The following PAX9 variants were observed in gnomAD, a reference collection of about 807,000 sequenced individuals.
The protein encoded by PAX9 is paired box protein Pax-9.
A neutral mutation model predicts 29.1 loss-of-function variants in PAX9; 6 were observed. The observed-to-expected ratio is 0.21, with a 90% confidence interval of 0.11 to 0.41. PAX9 has a LOEUF of 0.41. PAX9 is among the 10% of genes least tolerant of loss of function. The probability of loss-of-function intolerance (pLI) is 1.00; values close to 1 mark genes in which losing one functional copy is unlikely to be tolerated. For missense variants in PAX9, 443 were observed against 479.1 expected (o/e 0.92, Z 0.70); for synonymous variants, 217 against 211.7 (o/e 1.03, Z -0.22).
chr14:36,676,541 C>A lies in PAX9; in HGVS notation c.*89C>A. ...TCCCAGGTCTCACATCCCACCCCTCCTGCCCTCCAACCCTTCTGCCTTGAA... is the reference window on the plus strand; with the variant it reads ...TCCCAGGTCTCACATCCCACCCCTCATGCCCTCCAACCCTTCTGCCTTGAA... On this transcript the variant is annotated 3_prime_UTR_variant, in exon 4 of 4. Transcript: ENST00000361487. The A allele has an allele frequency of 1.4e-6, 2 of 1,468,374 alleles. No individual in the cohort carries two copies. The highest frequency in any genetic ancestry group is 1.9e-6 in the Non-Finnish European group (2 of 1,072,342). 91.0% of individuals were successfully genotyped at this position (1,468,374 alleles called of 1,614,324 possible).
chr14:36,668,446 T>C (rs983620553), intron 3 of PAX9, among the ~76,000 whole-genome samples: 2 of 152,224 alleles, frequency 1.3e-5, no homozygotes, highest in Admixed American at 1.3e-4. Flanking sequence ...TGGAGTGCAG[T>C]GGCGCGATCT....
upstream of PAX9, among the ~76,000 whole-genome samples, chr14:36,659,221 G>A (rs1881161892): frequency 6.6e-6 from 1 of 152,206 alleles, no homozygotes; most frequent in Non-Finnish European, 1.5e-5. Flanking sequence ...GTAACCAGGC[G>A]GCAGACTCCA....
chr14:36,664,338 G>A (rs560027519), intron 2 of PAX9, among the ~76,000 whole-genome samples: 5 of 151,502 alleles, frequency 3.3e-5, no homozygotes, highest in African/African-American at 9.7e-5. Flanking sequence ...TTTTCCCTGA[G>A]CCTGCCACTT....
upstream of PAX9, among the ~76,000 whole-genome samples, chr14:36,659,491 C>A (rs73258664): frequency 2.1e-3 from 327 of 152,296 alleles, 1 homozygote; most frequent in African/African-American, 7.2e-3. Flanking sequence ...AGAGCGGGGT[C>A]TTCGGCTTGC....
intron 3 of PAX9, among the ~76,000 whole-genome samples, chr14:36,672,832 TTTTCTTTCTTTC>T (rs1167746492): frequency 6.8e-6 from 1 of 146,268 alleles, no homozygotes; most frequent in Non-Finnish European, 1.5e-5. Context: ...CCTTTTTCTT[TTTTCTTTCTTTC>T]TTTCTTCCTT....
Position 36,678,366 on chromosome 14 carries a change from G to C in PAX9, c.*1914G>C, listed in dbSNP as rs1010632867. ...ATTTCTAAAGCAACCGAAATTCAGT[G>C]CTACAAATAGAGGATTATAACTTCA... is the stretch of plus-strand genomic sequence containing the variant. On this transcript the variant is annotated 3_prime_UTR_variant, in exon 4 of 4. Transcript: ENST00000361487. The C allele has an allele frequency of 2.2e-6, 2 of 895,278 alleles. No homozygotes were observed. Among genetic ancestry groups the C allele is most frequent in the African/African-American group, 1.7e-5 (1 of 59,854 alleles). 55.5% of individuals were successfully genotyped at this position (895,278 alleles called of 1,614,324 possible).
At chr14:36,670,901 C>T (rs1340071659) in intron 3 of PAX9, 27 of 206,078 alleles carry the variant, frequency 1.3e-4, no homozygotes, top group Non-Finnish European at 1.8e-4. Context: ...TAATTAAGAT[C>T]TTGTTGGATG....
chr14:36,662,229 C>A, intron 1 of PAX9, 136 bp downstream of exon 1: 1 of 1,046,620 alleles, frequency 9.6e-7, no homozygotes. Flanking sequence ...TGCTCGTGTT[C>A]CTACAAGTTG....
At chr14:36,659,475 G>A (rs1881173058), upstream of PAX9, among the ~76,000 whole-genome samples, 1 of 152,180 alleles carries the variant, frequency 6.6e-6, no homozygotes, top group South Asian at 2.1e-4. Flanking sequence ...GGCTTCTCTT[G>A]CTCCCAGAGC....
Position 36,678,153 on chromosome 14 carries a change from G to T in PAX9, c.*1701G>T. On this transcript the variant is annotated 3_prime_UTR_variant, in exon 4 of 4. Coordinates refer to ENST00000361487, the MANE Select transcript of PAX9 (RefSeq NM_001372076.1). ...TTTCTTCCGGTCTGTGCTGTGCACA[G>T]TCTACATGGCAATGCGGTTCCACCA... 2.7e-6 allele frequency: 1 copy of T among 367,044 alleles called. No individual in the cohort carries two copies. The highest frequency in any genetic ancestry group is 4.3e-5 in the South Asian group (1 of 23,142). 22.7% of individuals were successfully genotyped at this position (367,044 alleles called of 1,614,324 possible).
intron 2 of PAX9, among the ~76,000 whole-genome samples, chr14:36,664,238 A>G (rs563147401): frequency 6.6e-6 from 1 of 152,258 alleles, no homozygotes; most frequent in Non-Finnish European, 1.5e-5. Context: ...TTCACTGTAT[A>G]TATCTTAGGA....
At chr14:36,666,169 A>C in intron 2 of PAX9, 2 of 424,960 alleles carry the variant, frequency 4.7e-6, no homozygotes, top group South Asian at 7.1e-5. Context: ...GCCCTGGGAG[A>C]GCAAAGGGGC....
intron 3 of PAX9, among the ~76,000 whole-genome samples, chr14:36,668,453 A>G (rs1215579375): frequency 6.6e-6 from 1 of 152,178 alleles, no homozygotes; most frequent in Non-Finnish European, 1.5e-5. Context: ...CAGTGGCGCG[A>G]TCTCTACTTA....
rs1881915419 is a variant in PAX9, at chr14:36,676,877, CTTAT to C, written c.*426_*429del. 1.7e-4 allele frequency: 37 copies of C among 223,280 alleles called. No homozygotes were observed. The highest frequency in any genetic ancestry group is 3.7e-4 in the Admixed American group (7 of 19,166). 13.8% of individuals were successfully genotyped at this position (223,280 alleles called of 1,614,324 possible). ...TTTGCAAAATCAATAAAGGAAAATA[CTTAT>C]AGAAAAAATTATGCTACACCCTCTA... On this transcript the variant is annotated 3_prime_UTR_variant, in exon 4 of 4. Coordinates refer to ENST00000361487, the MANE Select transcript of PAX9 (RefSeq NM_001372076.1).
In PAX9 at chr14:36,676,386, G is replaced by A. The variant is rs576076631; in HGVS notation, c.960G>A (p.Ser320=). The change falls in exon 4 of 4, where the codon TCG becomes TCA. Residue 320 remains serine, a synonymous_variant. Transcript: ENST00000361487. ...CCCACAACTGTGACATTCCGGCATC[G>A]CTGGCGTTCAAGGGAATGCAGGCAG... The part of the protein sequence containing the change: ...LSPHNCDIPA[S]LAFKGMQAAR... 2.0e-5 allele frequency: 32 copies of A among 1,614,122 alleles called. No homozygotes were observed. In the African/African-American group the frequency reaches 2.9e-4, roughly 15 times the overall value.
chr14:36,668,810 TTAAA>T (rs1710184819), intron 3 of PAX9, among the ~76,000 whole-genome samples: 1 of 152,190 alleles, frequency 6.6e-6, no homozygotes, highest in African/African-American at 2.4e-5. Flanking sequence ...ATTTGAAGTT[TTAAA>T]TAATTGATAT....
In PAX9 at chr14:36,676,433, T is replaced by C. The variant is rs768607356; in HGVS notation, c.1007T>C (p.Val336Ala). ...GCAGCCAGAGAAGGTAGTCATTCTG[T>C]CACGGCTTCCGCGCTCTGATGGGAA... ...MQAAREGSHSVTASAL is the reference protein window; with the variant it reads ...MQAAREGSHSATASAL Residue 336 changes from valine (V) to alanine (A), a missense_variant, in exon 4 of 4, where the codon GTC becomes GCC. By Grantham distance (64) the Val-to-Ala change is moderately conservative. Transcript: ENST00000361487. The C allele has an allele frequency of 1.5e-5, 25 of 1,613,614 alleles. No homozygotes were observed. The Middle Eastern group carries it at 4.9e-4, about 32-fold the overall frequency.
chr14:36,657,744 G>C (rs1181390932), upstream of PAX9: 1 of 152,214 alleles, frequency 6.6e-6, no homozygotes, highest in Admixed American at 6.5e-5. Flanking sequence ...GTGGAGCCGC[G>C]GAGAGACTCT....
rs1398698589 is a variant in PAX9 at position 36,663,135 on chromosome 14, C to T, written c.243C>T (p.Pro81=). Residue 81 remains proline, a synonymous_variant, in exon 2 of 4, where the codon CCC becomes CCT. Transcript: ENST00000361487. ...GCAGCAAGCCCCGGGTCACTACCCC[C>T]ACCGTGGTGAAACACATCCGGACCT... The part of the protein sequence containing the change: ...IGGSKPRVTT[P]TVVKHIRTYK... 1.9e-6 allele frequency: 3 copies of T among 1,613,896 alleles called. No individual in the cohort carries two copies. Among genetic ancestry groups the T allele is most frequent in the Non-Finnish European group, 2.5e-6 (3 of 1,180,034 alleles).
Sources: allele counts gnomAD v4.1 joint callset (sites outside exome capture counted in the v4.1 genomes callset), GRCh38; gene constraint gnomAD v4.1.1; transcripts MANE v1.5; gene names NCBI Gene and HGNC (gene_info 2026-07-23, HGNC 2026-07-21).